NFIB: variants seen among roughly 807,000 people sequenced by gnomAD.
NFIB encodes nuclear factor I B, also known as nuclear factor 1 B-type.
NFIB carries 11 observed loss-of-function variants against 61.5 expected under a neutral mutation model. The observed-to-expected ratio is 0.18, with a 90% CI of 0.11 to 0.30. The LOEUF (loss-of-function observed/expected upper bound fraction) is 0.30. Among genes scored for constraint, NFIB ranks in the 10% least tolerant of loss-of-function variants. NFIB has a pLI of 1.00. For missense variants in NFIB, 471 were observed against 608.9 expected, an observed-to-expected ratio of 0.77 and a Z score of 2.38; for synonymous variants, 260 against 216.5, an observed-to-expected ratio of 1.20 and a Z score of -1.76.
intron 1 of NFIB, among the ~76,000 whole-genome samples, chr9:14,354,939 G>A (rs1028211127): frequency 2.0e-5 from 3 of 152,018 alleles, no homozygotes; most frequent in Admixed American, 2.0e-4. Flanking sequence ...GGCAGGGGAG[G>A]AGCAGGTCTC....
chr9:14,271,740 A>T (rs1197599553), intron 2 of NFIB, among the ~76,000 whole-genome samples: 1 of 152,194 alleles, frequency 6.6e-6, no homozygotes, highest in Admixed American at 6.5e-5. Context: ...CATGGAAAAC[A>T]CTGTAAGGTT....
chr9:14,500,433 CG>C, the NFIB span, among the ~76,000 whole-genome samples: 1 of 152,100 alleles, frequency 6.6e-6, no homozygotes, highest in Non-Finnish European at 1.5e-5. Context: ...CGTTAGCCAA[CG>C]TTATTACTCT....
intron 3 of NFIB, among the ~76,000 whole-genome samples, chr9:14,161,907 T>A (rs938705098): frequency 2.6e-5 from 4 of 152,198 alleles, no homozygotes; most frequent in African/African-American, 9.6e-5. Flanking sequence ...TAGGGCAAGC[T>A]GTGAGCATGT....
intron 1 of NFIB, among the ~76,000 whole-genome samples, chr9:14,388,844 A>G (rs990177141): frequency 1.3e-5 from 2 of 152,210 alleles, no homozygotes; most frequent in Non-Finnish European, 2.9e-5. Context: ...CATTTTCACT[A>G]TTTGTGTATA....
chr9:14,320,843 A>C (rs554081550), intron 1 of NFIB, among the ~76,000 whole-genome samples: 1 of 152,304 alleles, frequency 6.6e-6, no homozygotes, highest in East Asian at 1.9e-4. Context: ...TTGGAAGTTA[A>C]AGTTACAAGG....
chr9:14,197,416 CTG>C (rs2048588694), intron 2 of NFIB, among the ~76,000 whole-genome samples: 1 of 152,186 alleles, frequency 6.6e-6, no homozygotes. Flanking sequence ...AATAAAGACA[CTG>C]TTGTTATTCT....
At position 14,084,376 on chromosome 9, in the gene NFIB, C is replaced by T. The variant is rs1046946070; in HGVS notation, c.*3933G>A. 7 of 222,166 alleles carry T rather than the reference C, an allele frequency of 3.2e-5. No homozygotes were observed. Among genetic ancestry groups the T allele is most frequent in the Non-Finnish European group, 6.3e-5 (7 of 110,898 alleles). 13.8% of individuals were successfully genotyped at this position (222,166 alleles called of 1,614,324 possible). A position where few individuals can be genotyped will look rare whatever the true frequency, so the allele number is the denominator to read the frequency against. On this transcript the variant is annotated 3_prime_UTR_variant, in exon 11 of 11. Coordinates refer to ENST00000380953, the MANE Select transcript of NFIB (RefSeq NM_001190737.2). ...GGCGGTTCATTAAGAAGACCTTTCGCTCTTCTCGCTACTTGCAGCTTCACA... is the reference window on the plus strand; with the variant it reads ...GGCGGTTCATTAAGAAGACCTTTCGTTCTTCTCGCTACTTGCAGCTTCACA...
chr9:14,216,658 G>A (rs1404644603), intron 2 of NFIB, among the ~76,000 whole-genome samples: 1 of 149,962 alleles, frequency 6.7e-6, no homozygotes, highest in Non-Finnish European at 1.5e-5. Context: ...CTGGAGAGAC[G>A]CTGTGTCCTC....
At chr9:14,253,646 T>C (rs1429608412) in intron 2 of NFIB, among the ~76,000 whole-genome samples, 4 of 152,018 alleles carry the variant, frequency 2.6e-5, no homozygotes, top group Admixed American at 2.6e-4. Context: ...CTCTGGGCAA[T>C]ACAGTGAGAC....
At chr9:14,439,131 G>A in the NFIB span, among the ~76,000 whole-genome samples, 68 of 152,294 alleles carry the variant, frequency 4.5e-4, no homozygotes, top group African/African-American at 1.6e-3. Flanking sequence ...AGCACTTTGG[G>A]AGGCCGAGAC....
intron 2 of NFIB, among the ~76,000 whole-genome samples, chr9:14,203,611 G>A (rs2049300716): frequency 2.0e-5 from 3 of 152,150 alleles, no homozygotes; most frequent in Admixed American, 2.0e-4. Context: ...GCTGCCAAGC[G>A]GCCTCCTGAA....
chr9:14,391,265 TG>T (rs1305234136), intron 1 of NFIB, among the ~76,000 whole-genome samples: 1 of 152,038 alleles, frequency 6.6e-6, no homozygotes, highest in Admixed American at 6.5e-5. Flanking sequence ...TATGATGTGA[TG>T]GACACTTTAT....
chr9:14,320,641 T>A (rs922139039), intron 1 of NFIB, among the ~76,000 whole-genome samples: 2 of 152,206 alleles, frequency 1.3e-5, no homozygotes, highest in East Asian at 3.8e-4. Context: ...CACTGGAAAG[T>A]CACACTAATT....
At chr9:14,514,373 A>C in the NFIB span, among the ~76,000 whole-genome samples, 1 of 150,646 alleles carries the variant, frequency 6.6e-6, no homozygotes. Context: ...CTGGGCATGC[A>C]CACCCGCTTG....
At chr9:14,489,026 C>T in the NFIB span, among the ~76,000 whole-genome samples, 1 of 151,886 alleles carries the variant, frequency 6.6e-6, no homozygotes, top group Non-Finnish European at 1.5e-5. Context: ...AACAAGATAA[C>T]ACTATTTAAG....
In NFIB at chr9:14,090,640, C is replaced by T. The variant is rs150131633; in HGVS notation, c.1468-2314G>A. 3.5e-3 allele frequency among the ~76,000 whole-genome samples: 532 copies of T among 152,096 alleles called. 5 individuals are homozygous for T. Among genetic ancestry groups the T allele is most frequent in the African/African-American group, 0.012 (510 of 41,524 alleles). On this transcript the variant is annotated intron_variant, in intron 10 of 10. Coordinates refer to ENST00000380953, the MANE Select transcript of NFIB (RefSeq NM_001190737.2). ...AAAAATGGTTATACATTATTTTTAA[C>T]TTGAAGTAAGAAGCATGTACCAAAA...
chr9:14,254,302 A>AAAAAACAAAAC (rs1554689880), intron 2 of NFIB, among the ~76,000 whole-genome samples: 1 of 148,748 alleles, frequency 6.7e-6, no homozygotes, highest in Admixed American at 6.6e-5. Flanking sequence ...CTGTCTCAAA[A>AAAAAACAAAAC]AAAACAAAAC....
chr9:14,471,775 A>G, the NFIB span, among the ~76,000 whole-genome samples: 1 of 152,190 alleles, frequency 6.6e-6, no homozygotes, highest in Non-Finnish European at 1.5e-5. Flanking sequence ...CTAATTTGCG[A>G]CAATCAGTCT....
chr9:14,425,817 A>T, the NFIB span, among the ~76,000 whole-genome samples: 1 of 152,054 alleles, frequency 6.6e-6, no homozygotes, highest in Non-Finnish European at 1.5e-5. Flanking sequence ...GTAGCACCTT[A>T]ATATAATATG....
Sources: gnomAD v4.1 joint callset for allele counts (sites outside exome capture counted in the v4.1 genomes callset) on GRCh38, gnomAD v4.1.1 for gene constraint, MANE v1.5 for transcripts, NCBI Gene and HGNC (gene_info 2026-07-23, HGNC 2026-07-21) for gene names.